Variants in LINGO2 observed in about 807,000 individuals in gnomAD.
LINGO2 encodes leucine rich repeat and Ig domain containing 2.
LINGO2 carries 14 observed loss-of-function variants against 30.6 expected under a neutral mutation model. The ratio of observed to expected loss-of-function variants is 0.46; its 90% CI spans 0.30 to 0.72. LINGO2 has a LOEUF of 0.72. Ranked by LOEUF, LINGO2 falls within the 30% of genes least tolerant of loss-of-function variation. The pLI, the probability that LINGO2 is intolerant of heterozygous loss-of-function variation, is 0.07. For missense variants in LINGO2, 729 were observed against 751.7 expected (o/e 0.97, Z 0.35); for synonymous variants, 317 against 288.5 (o/e 1.10, Z -1.00).
chr9:27,937,630 T>C, the LINGO2 span: 1 of 152,182 alleles, frequency 6.6e-6, no homozygotes, highest in Non-Finnish European at 1.5e-5. Context: ...TTTAAGAAAG[T>C]ATTTTATTTT....
the LINGO2 span, among the ~76,000 whole-genome samples, chr9:28,713,771 T>C: frequency 6.6e-6 from 1 of 152,140 alleles, no homozygotes; most frequent in Non-Finnish European, 1.5e-5. Flanking sequence ...ACAAAATTCA[T>C]ATCTGGCATT....
At chr9:28,958,178 G>A in the LINGO2 span, among the ~76,000 whole-genome samples, 1 of 152,088 alleles carries the variant, frequency 6.6e-6, no homozygotes, top group Non-Finnish European at 1.5e-5. Context: ...TGAATATTCT[G>A]CATTGTTAAC....
At chr9:29,175,479 C>T in the LINGO2 span, among the ~76,000 whole-genome samples, 2 of 151,518 alleles carry the variant, frequency 1.3e-5, no homozygotes, top group African/African-American at 4.9e-5. Context: ...ACAGAGTGCT[C>T]AGAGGCTGCT....
chr9:28,713,539 T>A, the LINGO2 span, among the ~76,000 whole-genome samples: 2 of 152,146 alleles, frequency 1.3e-5, no homozygotes, highest in Admixed American at 1.3e-4. Context: ...TCCTTCTGGT[T>A]GTCCAATTGG....
the LINGO2 span, among the ~76,000 whole-genome samples, chr9:28,991,784 G>A: frequency 1.3e-5 from 2 of 148,314 alleles, no homozygotes; most frequent in African/African-American, 5.0e-5. Context: ...AAGTGAAGGA[G>A]AAATAAAATA....
the LINGO2 span, among the ~76,000 whole-genome samples, chr9:28,730,263 T>C: frequency 3.9e-5 from 6 of 152,212 alleles, no homozygotes; most frequent in South Asian, 1.0e-3. Context: ...ATAAGAGGCG[T>C]GTACAGACAC....
chr9:28,146,178 T>A (rs1420745828), intron 4 of LINGO2, among the ~76,000 whole-genome samples: 1 of 152,182 alleles, frequency 6.6e-6, no homozygotes, highest in Non-Finnish European at 1.5e-5. Flanking sequence ...ATCAGCCCCC[T>A]TCAGATGTAA....
intron 3 of LINGO2, among the ~76,000 whole-genome samples, chr9:28,305,175 A>G (rs1158147095): frequency 6.6e-6 from 1 of 152,120 alleles, no homozygotes; most frequent in African/African-American, 2.4e-5. Context: ...AAAATTCAAC[A>G]TCAATTCCTC....
chr9:28,089,813 T>G (rs1241049071), intron 4 of LINGO2, among the ~76,000 whole-genome samples: 1 of 151,846 alleles, frequency 6.6e-6, no homozygotes, highest in Non-Finnish European at 1.5e-5. Context: ...ATTGATAGAC[T>G]GCTAACAGAC....
At chr9:28,911,720 G>C in the LINGO2 span, among the ~76,000 whole-genome samples, 2 of 152,014 alleles carry the variant, frequency 1.3e-5, no homozygotes, top group African/African-American at 4.8e-5. Flanking sequence ...ATATTAAAAG[G>C]TTAGAGCCAC....
At chr9:28,105,129 A>C (rs1408442885) in intron 4 of LINGO2, among the ~76,000 whole-genome samples, 2 of 152,152 alleles carry the variant, frequency 1.3e-5, no homozygotes, top group Admixed American at 1.3e-4. Context: ...TCTAGAGAGA[A>C]AGTAAGAATA....
Position 28,505,238 on chromosome 9 carries a change from A to G in LINGO2, c.-364-29213T>C, listed in dbSNP as rs149555194. Among the ~76,000 whole-genome samples, 3 of 151,998 alleles carry G rather than the reference A, an allele frequency of 2.0e-5. No individual in the cohort carries two copies. In the East Asian group the frequency reaches 5.8e-4, roughly 29 times the overall value. ...GAAAGCATAAAGGGGAAAATATGAGACATTTTTTCATGGAACAAAGGAGAC... is the reference window on the plus strand; with the variant it reads ...GAAAGCATAAAGGGGAAAATATGAGGCATTTTTTCATGGAACAAAGGAGAC... On this transcript the variant is annotated intron_variant, in intron 1 of 5. Transcript: ENST00000379992.
At chr9:28,240,532 T>C (rs928070046) in intron 4 of LINGO2, among the ~76,000 whole-genome samples, 26 of 152,168 alleles carry the variant, frequency 1.7e-4, no homozygotes, top group Admixed American at 4.6e-4. Context: ...GTCAAGAACA[T>C]ACATTAGTGA....
At chr9:28,524,252 A>C (rs1158085232) in intron 1 of LINGO2, among the ~76,000 whole-genome samples, 1 of 152,182 alleles carries the variant, frequency 6.6e-6, no homozygotes, top group Non-Finnish European at 1.5e-5. Flanking sequence ...CCTACCTCAC[A>C]CCATACACAC....
At chr9:28,071,454 A>G (rs567771065) in intron 4 of LINGO2, among the ~76,000 whole-genome samples, 1 of 152,202 alleles carries the variant, frequency 6.6e-6, no homozygotes, top group East Asian at 1.9e-4. Context: ...TATTTACTCT[A>G]GCCTAGCTGC....
At chr9:28,653,063 T>C (rs1221942342) in intron 1 of LINGO2, among the ~76,000 whole-genome samples, 4 of 152,086 alleles carry the variant, frequency 2.6e-5, no homozygotes, top group Admixed American at 1.3e-4. Flanking sequence ...TTTAAGAAAA[T>C]GTTTAATACT....
At chr9:28,897,882 G>C in the LINGO2 span, among the ~76,000 whole-genome samples, 1 of 151,868 alleles carries the variant, frequency 6.6e-6, no homozygotes, top group Admixed American at 6.6e-5. Context: ...AGAAATTTGG[G>C]GTAGTTAGAT....
At chr9:28,283,612 G>GA (rs1823403136) in intron 4 of LINGO2, among the ~76,000 whole-genome samples, 1 of 152,092 alleles carries the variant, frequency 6.6e-6, no homozygotes. Context: ...TTCAAAAAGA[G>GA]GATACTTTGG....
intron 2 of LINGO2, among the ~76,000 whole-genome samples, chr9:28,468,512 T>C (rs1825398713): frequency 1.3e-5 from 2 of 152,070 alleles, no homozygotes; most frequent in South Asian, 4.1e-4. Context: ...TATTGGGAAA[T>C]AATACAGTAG....
Sources: gnomAD v4.1 joint callset for allele counts (sites outside exome capture counted in the v4.1 genomes callset) on GRCh38, gnomAD v4.1.1 for gene constraint, MANE v1.5 for transcripts, NCBI Gene and HGNC (gene_info 2026-07-23, HGNC 2026-07-21) for gene names.